Variants in ROCK2 observed in about 807,000 individuals in gnomAD.
ROCK2 encodes rho-associated protein kinase 2.
In ROCK2, 61 loss-of-function variants were observed where a neutral mutation model predicts 195.1. That is an observed-to-expected ratio of 0.31 (90% CI 0.25 to 0.39). ROCK2 has a LOEUF of 0.39. Among genes scored for constraint, ROCK2 ranks in the 10% least tolerant of loss-of-function variants. The pLI is 1.00. For missense variants in ROCK2, 1,109 were observed against 1,637.4 expected, an observed-to-expected ratio of 0.68 and a Z score of 5.57; for synonymous variants, 504 against 545.5, an observed-to-expected ratio of 0.92 and a Z score of 1.06.
intron 1 of ROCK2, among the ~76,000 whole-genome samples, chr2:11,337,349 A>G (rs1463254859): frequency 6.6e-6 from 1 of 152,218 alleles, no homozygotes; most frequent in African/African-American, 2.4e-5. Context: ...ATACAAAAGA[A>G]CTTCTAAGAT....
rs1208664798 is a variant in ROCK2, at chr2:11,258,248, G to C, written c.325-8450C>G. On this transcript the variant is annotated intron_variant, in intron 3 of 32. Transcript: ENST00000315872. ...TGCATGAGTGAATAAGTGACTGACT[G>C]AATGAATAAATTCGAATTCCAAATA... 2.0e-5 allele frequency among the ~76,000 whole-genome samples: 3 copies of C among 151,322 alleles called. No homozygotes were observed. The East Asian group carries it at 5.8e-4, about 29-fold the overall frequency.
intron 3 of ROCK2, among the ~76,000 whole-genome samples, chr2:11,272,774 G>A (rs553153817): frequency 2.0e-5 from 3 of 151,186 alleles, no homozygotes; most frequent in Non-Finnish European, 2.9e-5. Flanking sequence ...GGAGGCTGAG[G>A]CAGGGAAATC....
intron 1 of ROCK2, among the ~76,000 whole-genome samples, chr2:11,317,614 T>A (rs866297267): frequency 0.021 from 288 of 13,938 alleles, 3 homozygotes; most frequent in Non-Finnish European, 0.028. Context: ...ATATATATAT[T>A]TTTTTTTTTT....
At chr2:11,303,884 G>A (rs140396496) in intron 1 of ROCK2, among the ~76,000 whole-genome samples, 3 of 152,226 alleles carry the variant, frequency 2.0e-5, no homozygotes, top group African/African-American at 4.8e-5. Flanking sequence ...AACATCTTTA[G>A]ACAGTCCTTC....
At chr2:11,282,062 AAAG>A (rs1194631063) in intron 3 of ROCK2, among the ~76,000 whole-genome samples, 1 of 152,194 alleles carries the variant, frequency 6.6e-6, no homozygotes, top group Non-Finnish European at 1.5e-5. Flanking sequence ...ACAAAATATT[AAAG>A]AACAGTCAGG....
chr2:11,324,368 T>C (rs1482893496), intron 1 of ROCK2, among the ~76,000 whole-genome samples: 1 of 152,142 alleles, frequency 6.6e-6, no homozygotes, highest in Non-Finnish European at 1.5e-5. Flanking sequence ...GAGGTTGCAG[T>C]GAGCCGAGAT....
chr2:11,344,942 CCG>C, upstream of ROCK2, among the ~76,000 whole-genome samples: 1 of 59,404 alleles, frequency 1.7e-5, no homozygotes, highest in Admixed American at 2.8e-4. The surrounding 1 kb of genome is among the most constrained non-coding windows in gnomAD (Gnocchi z 5.4). Flanking sequence ...GCCCCTCCCG[CCG>C]GACCCCGCGG....
chr2:11,314,428 T>G (rs929221804), intron 1 of ROCK2, among the ~76,000 whole-genome samples: 2 of 70,738 alleles, frequency 2.8e-5, no homozygotes, highest in Non-Finnish European at 3.6e-5. Flanking sequence ...TTAGGAATAG[T>G]TTAGAACTTC....
At chr2:11,230,233 T>C (rs1664955706) in intron 5 of ROCK2, among the ~76,000 whole-genome samples, 1 of 152,028 alleles carries the variant, frequency 6.6e-6, no homozygotes, top group African/African-American at 2.4e-5. Flanking sequence ...CTTGGAGAAG[T>C]GATTCCAGAG....
Position 11,192,005 on chromosome 2 carries a change from G to C in ROCK2, c.4163+143C>G. 1 of 616,120 alleles carries C rather than the reference G, an allele frequency of 1.6e-6. No individual in the cohort carries two copies. The highest frequency in any genetic ancestry group is 2.8e-6 in the Non-Finnish European group (1 of 354,598). 38.2% of individuals were successfully genotyped at this position (616,120 alleles called of 1,614,324 possible). The stretch of plus-strand genomic sequence containing the variant: ...TCGATGAACATGACATGCACATTAA[G>C]ACAGTTCCAACATTTGGTATTCCAT... On this transcript the variant is annotated intron_variant, in intron 32 of 32. Transcript: ENST00000315872. This position sits in a 1 kb window ranked among gnomAD's most constrained non-coding sequence, Gnocchi z 5.0.
chr2:11,297,694 T>G (rs1424851349), intron 1 of ROCK2, among the ~76,000 whole-genome samples: 1 of 152,204 alleles, frequency 6.6e-6, no homozygotes, highest in Admixed American at 6.5e-5. Flanking sequence ...ACACATCTAT[T>G]CTAAATACAT....
intron 3 of ROCK2, among the ~76,000 whole-genome samples, chr2:11,273,094 C>CAA (rs34784074): frequency 0.26 from 5,684 of 21,536 alleles, 1,245 homozygotes; most frequent in Non-Finnish European, 0.38. Flanking sequence ...AAATAAGGGT[C>CAA]AAAAAAAAAA....
chr2:11,343,634 C>T lies in ROCK2; in HGVS notation c.141+362G>A, dbSNP rs77724517. ...CTCCCTCGCTCGCACCAAGTCCCCA[C>T]GTAGCATGACACTTTCAAATCAGCT... On this transcript the variant is annotated intron_variant, in intron 1 of 32. Transcript: ENST00000315872. Among the ~76,000 whole-genome samples the T allele has an allele frequency of 1.8e-3, 278 of 152,302 alleles. 5 individuals carry two copies. In the East Asian group the frequency reaches 0.043, roughly 24 times the overall value.
intron 4 of ROCK2, among the ~76,000 whole-genome samples, chr2:11,238,110 G>A (rs180894083): frequency 1.3e-5 from 2 of 152,002 alleles, no homozygotes; most frequent in Admixed American, 1.3e-4. Context: ...CAAGTAAGAG[G>A]ATTATTATGT....
rs1032471461 is a variant in ROCK2 at position 11,201,526 on chromosome 2, C to T, written c.2620-113G>A. On this transcript the variant is annotated intron_variant, in intron 21 of 32. Transcript: ENST00000315872. The surrounding 1 kb of genome is among the most constrained non-coding windows in gnomAD (Gnocchi z 4.6). Reference sequence around the variant, plus strand: ...AACACATACAAATATTTTCTTACTGCTAAGTCCCCGAGCAAATGAATAGTT... The same window carrying T: ...AACACATACAAATATTTTCTTACTGTTAAGTCCCCGAGCAAATGAATAGTT... 1.1e-4 allele frequency: 69 copies of T among 656,796 alleles called. No homozygotes were observed. In the South Asian group the frequency reaches 1.2e-3, roughly 12 times the overall value. The allele number at this position is 656,796 out of a possible 1,614,324, so 40.7% of individuals were successfully genotyped here. A position where few individuals can be genotyped will look rare whatever the true frequency, so the allele number is the denominator to read the frequency against.
chr2:11,266,014 T>G (rs1666401869), intron 3 of ROCK2, among the ~76,000 whole-genome samples: 1 of 152,146 alleles, frequency 6.6e-6, no homozygotes, highest in South Asian at 2.1e-4. Context: ...TTTTAAAGCT[T>G]TCTTATTGAA....
intron 4 of ROCK2, among the ~76,000 whole-genome samples, chr2:11,243,782 C>T (rs1665517173): frequency 6.6e-6 from 1 of 152,064 alleles, no homozygotes; most frequent in South Asian, 2.1e-4. Flanking sequence ...GGATGGGATC[C>T]TGAAACAAAG....
chr2:11,192,876 A>T lies in ROCK2; in HGVS notation c.3688-164T>A, dbSNP rs1391405605. ...GCTCTTGATTACGCAAACTTAATCA[A>T]GAGCTTATATAAGAAAAGTCATCAG... is the stretch of plus-strand genomic sequence containing the variant. On this transcript the variant is annotated intron_variant, in intron 30 of 32. Transcript: ENST00000315872. This position sits in a 1 kb window ranked among gnomAD's most constrained non-coding sequence, Gnocchi z 5.0. Among the ~76,000 whole-genome samples the T allele has an allele frequency of 6.6e-6, 1 of 152,258 alleles. No homozygotes were observed. The highest frequency in any genetic ancestry group is 1.5e-5 in the Non-Finnish European group (1 of 68,046).
At chr2:11,267,160 G>T (rs1341882753) in intron 3 of ROCK2, among the ~76,000 whole-genome samples, 1 of 152,104 alleles carries the variant, frequency 6.6e-6, no homozygotes, top group Non-Finnish European at 1.5e-5. Context: ...CAGAAACAAT[G>T]CATCTGTTTA....
Sources: gnomAD v4.1 joint callset for allele counts (sites outside exome capture counted in the v4.1 genomes callset) on GRCh38, gnomAD v4.1.1 for gene constraint, Gnocchi (gnomAD v3.1) non-coding constraint, MANE v1.5 for transcripts, NCBI Gene and HGNC (gene_info 2026-07-23, HGNC 2026-07-21) for gene names.